The following CD8A variants were observed in gnomAD, a reference collection of about 807,000 sequenced individuals.
CD8A encodes T-cell surface glycoprotein CD8 alpha chain.
CD8A carries 25 observed loss-of-function variants against 24.2 expected under a neutral mutation model. The ratio of observed to expected loss-of-function variants is 1.03; its 90% CI spans 0.75 to 1.44. The LOEUF is 1.44. Ranked by LOEUF, CD8A falls within the 40% of genes most tolerant of loss-of-function variation. The pLI is 0.00. For synonymous variants in CD8A, 165 were observed against 149.9 expected, an observed-to-expected ratio of 1.10 and a Z score of -0.74; for missense variants, 360 against 319.7, an observed-to-expected ratio of 1.13 and a Z score of -0.96.
At position 86,790,570 on chromosome 2, in the gene CD8A, C is replaced by G. The variant is rs1201564636; in HGVS notation, c.161G>C (p.Cys54Ser). ...QVLLSNPTSG[C>S]SWLFQPRGAA... is the part of the protein sequence containing the mutation. ...GCCGCGCGGCTGGAAGAGCCACGAG[C>G]AGCCCGACGTCGGGTTGGACAGCAG... is the stretch of plus-strand genomic sequence containing the variant. The change falls in exon 2 of 6, where the codon TGC (cysteine) becomes TCC (serine). Residue 54 changes from cysteine (C) to serine (S), a missense_variant. Coordinates refer to ENST00000283635, the MANE Select transcript of CD8A (RefSeq NM_001768.7). 6.2e-7 allele frequency: 1 copy of G among 1,612,978 alleles called. No individual in the cohort carries two copies. Among genetic ancestry groups the G allele is most frequent in the East Asian group, 2.2e-5 (1 of 44,872 alleles).
chr2:86,787,073 C>T (rs1673047256), intron 5 of CD8A, among the ~76,000 whole-genome samples: 1 of 127,698 alleles, frequency 7.8e-6, no homozygotes, highest in South Asian at 2.4e-4. Flanking sequence ...TAAAAACTTC[C>T]CCCCCCACTT....
At position 86,795,968 on chromosome 2, in the gene CD8A, A is replaced by G. The variant is rs572393902; in HGVS notation, c.-270-4873T>C. Among the ~76,000 whole-genome samples the G allele has an allele frequency of 2.0e-5, 3 of 152,374 alleles. No homozygotes were observed. In the East Asian group the frequency reaches 5.8e-4, roughly 29 times the overall value. ...ATTCACTTCCAAAAAGAGGCAAATT[A>G]TTGAACAATTTGAAAAATGTTTAAA... On this transcript the variant is annotated intron_variant, in intron 3 of 8. Coordinates refer to the CD8A transcript ENST00000409511.
rs925510068 is a variant in CD8A, at chr2:86,784,925, T to G, written c.*995A>C. On this transcript the variant is annotated 3_prime_UTR_variant, in exon 6 of 6. Coordinates refer to ENST00000283635, the MANE Select transcript of CD8A (RefSeq NM_001768.7). The stretch of plus-strand genomic sequence containing the variant: ...CCTCCTTAAGAGAGTCAGGTCTGCC[T>G]CATCCCTGTATCTGCTAGTTGAGCA... 2.2e-6 allele frequency: 1 copy of G among 454,004 alleles called. No individual in the cohort carries two copies. The highest frequency in any genetic ancestry group is 4.4e-6 in the Non-Finnish European group (1 of 226,798). The allele number at this position is 454,004 out of a possible 1,614,324, so 28.1% of individuals were successfully genotyped here.
chr2:86,796,148 C>T (rs1231869441), intron 3 of CD8A, among the ~76,000 whole-genome samples: 2 of 152,124 alleles, frequency 1.3e-5, no homozygotes, highest in Non-Finnish European at 2.9e-5. Flanking sequence ...GAATTGGAAG[C>T]TAGCATTGAG....
exon 1 of CD8A, chr2:86,808,122 T>C (rs1349030289): frequency 6.6e-6 from 1 of 152,252 alleles, no homozygotes; most frequent in African/African-American, 2.4e-5. Flanking sequence ...AATTCACCTT[T>C]CTGTACACAG....
At chr2:86,791,722 C>A (rs1393862615), upstream of CD8A, 2 of 447,838 alleles carry the variant, frequency 4.5e-6, no homozygotes, top group South Asian at 3.2e-5. Context: ...GCTGGCTCCT[C>A]CCAGCCTCCG....
chr2:86,801,004 T>C (rs1326720497), intron 3 of CD8A, among the ~76,000 whole-genome samples: 1 of 152,192 alleles, frequency 6.6e-6, no homozygotes, highest in Non-Finnish European at 1.5e-5. Context: ...GTGATGTTTC[T>C]ACAAGTCAAG....
At chr2:86,794,781 GCCCTGC>G (rs1400331437), upstream of CD8A, among the ~76,000 whole-genome samples, 231 of 152,134 alleles carry the variant, frequency 1.5e-3, no homozygotes, top group African/African-American at 5.3e-3. Context: ...TGCCTGTGAG[GCCCTGC>G]ACACTTGGTT....
intron 2 of CD8A, among the ~76,000 whole-genome samples, chr2:86,802,878 T>C (rs1418627547): frequency 1.3e-5 from 2 of 152,192 alleles, no homozygotes; most frequent in Non-Finnish European, 2.9e-5. Flanking sequence ...CCCAAAATGC[T>C]GGGATTACAG....
chr2:86,801,570 C>T (rs1468176720), exon 3 of CD8A: 1 of 152,026 alleles, frequency 6.6e-6, no homozygotes, highest in East Asian at 1.9e-4. Flanking sequence ...TCTTGAACTC[C>T]TGGACTCAAG....
At chr2:86,805,644 C>CA (rs1181434357) in intron 2 of CD8A, among the ~76,000 whole-genome samples, 1 of 152,132 alleles carries the variant, frequency 6.6e-6, no homozygotes, top group African/African-American at 2.4e-5. Context: ...CCCGTTTGTC[C>CA]ACTGCTCTGT....
At chr2:86,804,877 G>A (rs1446260921) in intron 2 of CD8A, among the ~76,000 whole-genome samples, 3 of 141,670 alleles carry the variant, frequency 2.1e-5, no homozygotes, top group Non-Finnish European at 3.0e-5. Flanking sequence ...ATCTCAGCTC[G>A]CTGCAAGCTC....
chr2:86,786,318 A>C (rs1672994697), intron 5 of CD8A, among the ~76,000 whole-genome samples: 1 of 152,234 alleles, frequency 6.6e-6, no homozygotes, highest in Admixed American at 6.5e-5. Context: ...TGTGAGAGTG[A>C]GACTGATAAC....
Position 86,789,357 on chromosome 2 carries a change from GAGA to G in CD8A, c.588_590del (p.Leu198del). On this transcript the variant is annotated inframe_deletion, in exon 4 of 6. Coordinates refer to ENST00000283635, the MANE Select transcript of CD8A (RefSeq NM_001768.7). Reference sequence around the variant, plus strand: ...AGTAAAGGGTGATAACCAGTGACAGGAGAAGGACCCCACAAGTCCCGGCCAAGG... The same window carrying G: ...AGTAAAGGGTGATAACCAGTGACAGGAGGACCCCACAAGTCCCGGCCAAGG... The G allele has an allele frequency of 6.2e-7, 1 of 1,613,308 alleles. No individual in the cohort carries two copies. The highest frequency in any genetic ancestry group is 8.5e-7 in the Non-Finnish European group (1 of 1,179,232).
intron 5 of CD8A, among the ~76,000 whole-genome samples, chr2:86,786,330 A>G (rs369522411): frequency 6.6e-6 from 1 of 152,214 alleles, no homozygotes; most frequent in Admixed American, 6.5e-5. Context: ...ACTGATAACC[A>G]AAGTCATTAG....
chr2:86,793,333 T>C (rs944800654), upstream of CD8A, among the ~76,000 whole-genome samples: 13 of 152,228 alleles, frequency 8.5e-5, no homozygotes, highest in East Asian at 2.5e-3. Flanking sequence ...CACCAGTACC[T>C]GCAGCTTTTT....
intron 3 of CD8A, among the ~76,000 whole-genome samples, chr2:86,800,252 G>A (rs575903188): frequency 1.3e-5 from 2 of 152,192 alleles, no homozygotes; most frequent in Admixed American, 1.3e-4. Context: ...AAGGTCAGGA[G>A]TTTGAGACTA....
intron 2 of CD8A, among the ~76,000 whole-genome samples, chr2:86,806,871 G>T (rs1673921790): frequency 6.6e-6 from 1 of 152,130 alleles, no homozygotes; most frequent in Non-Finnish European, 1.5e-5. Context: ...TAACCATCTT[G>T]TGCAAAAAGA....
At chr2:86,786,582 C>T (rs975021385) in intron 5 of CD8A, among the ~76,000 whole-genome samples, 5 of 152,160 alleles carry the variant, frequency 3.3e-5, no homozygotes, top group Non-Finnish European at 5.9e-5. Flanking sequence ...TGGAATTTCC[C>T]AGGTGTGTTT....
Sources: allele counts gnomAD v4.1 joint callset (sites outside exome capture counted in the v4.1 genomes callset), GRCh38; gene constraint gnomAD v4.1.1; transcripts MANE v1.5; gene names NCBI Gene and HGNC (gene_info 2026-07-23, HGNC 2026-07-21).